Variants in PRMT2 observed in about 807,000 individuals in gnomAD.
PRMT2 encodes protein arginine N-methyltransferase 2.
In PRMT2, 26 loss-of-function variants were observed where a neutral mutation model predicts 57.6. The ratio of observed to expected loss-of-function variants is 0.45; its 90% CI spans 0.33 to 0.63. PRMT2 has a LOEUF of 0.63. PRMT2 is among the 20% of genes least tolerant of loss of function. The probability of loss-of-function intolerance (pLI) is 0.02; values close to 1 mark genes in which losing one functional copy is unlikely to be tolerated. For missense variants in PRMT2, 472 were observed against 564.4 expected, an observed-to-expected ratio of 0.84 and a Z score of 1.66; for synonymous variants, 219 against 220.0, an observed-to-expected ratio of 1.00 and a Z score of 0.04.
rs534610178 is a variant in PRMT2, at chr21:46,664,534, C to T, written c.*207C>T. Reference sequence around the variant, plus strand: ...CGGCAGGAGCTGCCGTGGCCACCCCCGCTGCCCAGTGTCTGCCCTCTAGAA... The same window carrying T: ...CGGCAGGAGCTGCCGTGGCCACCCCTGCTGCCCAGTGTCTGCCCTCTAGAA... On this transcript the variant is annotated 3_prime_UTR_variant, in exon 12 of 12. Coordinates refer to ENST00000355680, the MANE Select transcript of PRMT2 (RefSeq NM_206962.4). 14 of 640,958 alleles carry T rather than the reference C, an allele frequency of 2.2e-5. No individual in the cohort carries two copies. The highest frequency in any genetic ancestry group is 1.6e-4 in the South Asian group (9 of 56,200). 39.7% of individuals were successfully genotyped at this position (640,958 alleles called of 1,614,324 possible).
At chr21:46,661,972 G>C in intron 10 of PRMT2, 36 bp downstream of exon 10, 1 of 1,151,362 alleles carries the variant, frequency 8.7e-7, no homozygotes, top group Non-Finnish European at 1.1e-6. Context: ...GGTGCGGGGT[G>C]GGGGGCAGGG....
At chr21:46,647,556 C>T (rs930450172) in intron 5 of PRMT2, among the ~76,000 whole-genome samples, 2 of 152,106 alleles carry the variant, frequency 1.3e-5, no homozygotes, top group Non-Finnish European at 1.5e-5. Flanking sequence ...GGCTGGAGTG[C>T]GGTGGTGCAG....
At position 46,660,852 on chromosome 21, in the gene PRMT2, T is replaced by A; in HGVS notation, c.850T>A (p.Phe284Ile). The change falls in exon 9 of 12, where the codon TTT becomes ATT. Residue 284 changes from phenylalanine (F) to isoleucine (I), a missense_variant. Physicochemically the swap from Phe to Ile is conservative, Grantham distance 21 (BLOSUM62 0). Coordinates refer to ENST00000355680, the MANE Select transcript of PRMT2 (RefSeq NM_206962.4). Reference protein sequence around the residue: ...SALKSLAVKEFFSKPKYNHIL... With the variant: ...SALKSLAVKEIFSKPKYNHIL... Reference sequence around the variant, plus strand: ...CCCTAGATCTTTAGCAGTTAAGGAGTTTTTTTCAAAGCCCAAGTATAACCA... The same window carrying A: ...CCCTAGATCTTTAGCAGTTAAGGAGATTTTTTCAAAGCCCAAGTATAACCA... The A allele has an allele frequency of 1.2e-6, 2 of 1,613,810 alleles. No homozygotes were observed. Among genetic ancestry groups the A allele is most frequent in the Admixed American group, 3.3e-5 (2 of 59,958 alleles).
In PRMT2 at chr21:46,653,399, G is replaced by A. The variant is rs2061490734; in HGVS notation, c.654+3660G>A. The stretch of plus-strand genomic sequence containing the variant: ...CTGTTTGCACATATTTATAGAATGT[G>A]TGGTGTAGATGATGGGACAGCTCCC... On this transcript the variant is annotated intron_variant, in intron 7 of 11. Transcript: ENST00000355680. The A allele has an allele frequency of 5.1e-6, 5 of 985,300 alleles. No individual in the cohort carries two copies. The African/African-American group carries it at 5.2e-5, about 10-fold the overall frequency. 61.0% of individuals were successfully genotyped at this position (985,300 alleles called of 1,614,324 possible). A position where few individuals can be genotyped will look rare whatever the true frequency, so the allele number is the denominator to read the frequency against.
intron 3 of PRMT2, among the ~76,000 whole-genome samples, chr21:46,641,904 C>T (rs2061283326): frequency 6.6e-6 from 1 of 152,078 alleles, no homozygotes; most frequent in Non-Finnish European, 1.5e-5. Context: ...AGTCATGCTC[C>T]TGGCATAGGG....
chr21:46,653,660 T>C, intron 7 of PRMT2: 1 of 1,250,206 alleles, frequency 8.0e-7, no homozygotes. Context: ...TTGCATTCCC[T>C]GGAGCTCATG....
chr21:46,643,316 C>G (rs781451879), intron 3 of PRMT2: 16 of 901,732 alleles, frequency 1.8e-5, no homozygotes, highest in Non-Finnish European at 2.3e-5. Flanking sequence ...TTGATGTTCT[C>G]TTTTAGGGTC....
chr21:46,635,759 T>C lies in PRMT2; in HGVS notation c.-170T>C, dbSNP rs76819632. 2.6e-5 allele frequency: 4 copies of C among 152,522 alleles called. No homozygotes were observed. In the East Asian group the frequency reaches 5.8e-4, roughly 22 times the overall value. 9.4% of individuals were successfully genotyped at this position (152,522 alleles called of 1,614,324 possible). On this transcript the variant is annotated 5_prime_UTR_variant, in exon 1 of 12. Coordinates refer to ENST00000355680, the MANE Select transcript of PRMT2 (RefSeq NM_206962.4). ...CGCGGAACTCAGCGGAGAAACGCGA[T>C]TGAGGTAGGTGTCCTGATGGGCAGC...
Position 46,653,156 on chromosome 21 carries a change from A to C in PRMT2, c.654+3417A>C, listed in dbSNP as rs530903804. ...TTTGGACCAAAATTACAACCACATT[A>C]TGACGAATTTTCTAAGCAAAAGAAA... On this transcript the variant is annotated intron_variant, in intron 7 of 11. Coordinates refer to ENST00000355680, the MANE Select transcript of PRMT2 (RefSeq NM_206962.4). 3.0e-6 allele frequency: 3 copies of C among 985,460 alleles called. No individual in the cohort carries two copies. In the South Asian group the frequency reaches 1.4e-4, roughly 46 times the overall value. 61.0% of individuals were successfully genotyped at this position (985,460 alleles called of 1,614,324 possible). A position where few individuals can be genotyped will look rare whatever the true frequency, so the allele number is the denominator to read the frequency against.
intron 8 of PRMT2, among the ~76,000 whole-genome samples, chr21:46,660,565 C>T (rs2298370): frequency 0.07 from 10,649 of 152,192 alleles, 579 homozygotes; most frequent in Non-Finnish European, 0.091. Context: ...CACAGGGAAG[C>T]GCCCAGTGAC....
At position 46,649,994 on chromosome 21, in the gene PRMT2, G is replaced by A; in HGVS notation, c.654+255G>A. The A allele has an allele frequency of 7.1e-7, 1 of 1,418,008 alleles. No homozygotes were observed. The highest frequency in any genetic ancestry group is 9.2e-7 in the Non-Finnish European group (1 of 1,082,000). The allele number at this position is 1,418,008 out of a possible 1,614,324, so 87.8% of individuals were successfully genotyped here. ...TTCATGAGTGATTTACATGAACTGT[G>A]TTCTCCTCGGGGATCTGTAAAAATC... is the stretch of plus-strand genomic sequence containing the variant. On this transcript the variant is annotated intron_variant, in intron 7 of 11. Coordinates refer to ENST00000355680, the MANE Select transcript of PRMT2 (RefSeq NM_206962.4). This position sits in a 1 kb window ranked among gnomAD's most constrained non-coding sequence, Gnocchi z 4.8.
At chr21:46,641,321 C>T (rs752318248) in intron 3 of PRMT2, among the ~76,000 whole-genome samples, 3 of 152,108 alleles carry the variant, frequency 2.0e-5, no homozygotes, top group East Asian at 3.8e-4. Flanking sequence ...TATGGAATAT[C>T]GTATAGCCAT....
At chr21:46,652,892 G>A (rs143223536) in intron 7 of PRMT2, 40 of 1,302,878 alleles carry the variant, frequency 3.1e-5, no homozygotes, top group African/African-American at 1.5e-4. Flanking sequence ...CACGATTTCC[G>A]AGAAGCAGGT....
chr21:46,643,202 T>G, intron 3 of PRMT2: 1 of 176,972 alleles, frequency 5.7e-6, no homozygotes, highest in Non-Finnish European at 1.1e-5. Context: ...TCACACTGGT[T>G]TCTCTTCATG....
chr21:46,663,284 T>TG lies in PRMT2; in HGVS notation c.1098-94dup, dbSNP rs2061657912. 3 of 1,232,976 alleles carry TG rather than the reference T, an allele frequency of 2.4e-6. No individual in the cohort carries two copies. In the African/African-American group the frequency reaches 4.5e-5, roughly 18 times the overall value. 76.4% of individuals were successfully genotyped at this position (1,232,976 alleles called of 1,614,324 possible). On this transcript the variant is annotated intron_variant, in intron 10 of 11. Coordinates refer to ENST00000355680, the MANE Select transcript of PRMT2 (RefSeq NM_206962.4). ...GGACTGCCGGCTGTGTGGGTGCTGTTGGGGGCGAGAGCCAGTGCGAGCCTG... is the reference window on the plus strand; with the variant it reads ...GGACTGCCGGCTGTGTGGGTGCTGTTGGGGGGCGAGAGCCAGTGCGAGCCTG...
Position 46,651,798 on chromosome 21 carries a change from G to A in PRMT2, c.654+2059G>A, listed in dbSNP as rs557935416. On this transcript the variant is annotated intron_variant, in intron 7 of 11. Transcript: ENST00000355680. ...GCGGTTGTACCCACCTTCACTTTCC[G>A]TCCCCAGGCTGCGCCTCTCCTGAGC... 50 of 1,612,822 alleles carry A rather than the reference G, an allele frequency of 3.1e-5. 2 individuals are homozygous for A. In the South Asian group the frequency reaches 3.2e-4, roughly 10 times the overall value.
chr21:46,641,939 CAGTA>C (rs1353658059), intron 3 of PRMT2, among the ~76,000 whole-genome samples: 4 of 151,874 alleles, frequency 2.6e-5, no homozygotes, highest in Non-Finnish European at 5.9e-5. Flanking sequence ...TACAAATAGA[CAGTA>C]AGGTAAAAAA....
chr21:46,652,007 C>T (rs560521039), intron 7 of PRMT2: 85 of 1,613,180 alleles, frequency 5.3e-5, no homozygotes, highest in African/African-American at 9.3e-5. Context: ...CCTACTCTGA[C>T]GCTGACATGT....
At chr21:46,643,981 T>C (rs1290721739) in intron 4 of PRMT2, among the ~76,000 whole-genome samples, 5 of 152,212 alleles carry the variant, frequency 3.3e-5, no homozygotes, top group Admixed American at 2.0e-4. Flanking sequence ...CAGGAATTTC[T>C]TAGAGTCAGC....
Sources: gnomAD v4.1 joint callset for allele counts (sites outside exome capture counted in the v4.1 genomes callset) on GRCh38, gnomAD v4.1.1 for gene constraint, Gnocchi (gnomAD v3.1) non-coding constraint, MANE v1.5 for transcripts, NCBI Gene and HGNC (gene_info 2026-07-23, HGNC 2026-07-21) for gene names.